PSMD1: variants seen among roughly 807,000 people sequenced by gnomAD.
PSMD1 encodes the protein proteasome 26S subunit, non-ATPase 1.
PSMD1 carries 18 observed loss-of-function variants against 119.0 expected under a neutral mutation model. That is an observed-to-expected ratio of 0.15 (90% confidence interval 0.10 to 0.22). The LOEUF (loss-of-function observed/expected upper bound fraction) is 0.22, where lower values mean the gene tolerates loss of function less well. Ranked by LOEUF, PSMD1 falls within the 10% of genes least tolerant of loss-of-function variation. The pLI is 1.00. For synonymous variants in PSMD1, 374 were observed against 396.6 expected (o/e 0.94, Z 0.68); for missense variants, 702 against 1,158.5 (o/e 0.61, Z 5.72).
intron 7 of PSMD1, among the ~76,000 whole-genome samples, 161 bp from the exon 8 acceptor site, chr2:231,075,350 G>C (rs1471593092): frequency 6.6e-6 from 1 of 152,136 alleles, no homozygotes; most frequent in Non-Finnish European, 1.5e-5. Flanking sequence ...TAACTGGATT[G>C]CCTCCATCTT....
chr2:231,128,391 T>C (rs950839458), intron 16 of PSMD1, among the ~76,000 whole-genome samples: 4 of 152,230 alleles, frequency 2.6e-5, no homozygotes, highest in African/African-American at 9.6e-5. Flanking sequence ...TCAGCTTTCT[T>C]TTTATTCATT....
intron 16 of PSMD1, among the ~76,000 whole-genome samples, chr2:231,121,259 G>A (rs1695530992): frequency 6.6e-6 from 1 of 152,110 alleles, no homozygotes; most frequent in Non-Finnish European, 1.5e-5. Context: ...CAGGCATGGT[G>A]GAATGTGCCT....
In PSMD1 at chr2:231,170,500, TTACTC is replaced by T. The variant is rs370291361; in HGVS notation, c.2716-63_2716-59del. On this transcript the variant is annotated intron_variant, in intron 23 of 24. Coordinates refer to ENST00000308696, the MANE Select transcript of PSMD1 (RefSeq NM_002807.4). The surrounding 1 kb of genome is among the most constrained non-coding windows in gnomAD (Gnocchi z 4.1). Reference sequence around the variant, plus strand: ...TTTTAAAGTACCATTTAACAAGTATTTACTCTAGATTGTGGAGCACGCTTGAAATA... The same window carrying T: ...TTTTAAAGTACCATTTAACAAGTATTTAGATTGTGGAGCACGCTTGAAATA... 92 of 1,431,200 alleles carry T rather than the reference TTACTC, an allele frequency of 6.4e-5. No homozygotes were observed. In the African/African-American group the frequency reaches 1.2e-3, roughly 18 times the overall value. 88.7% of individuals were successfully genotyped at this position (1,431,200 alleles called of 1,614,324 possible). A position where few individuals can be genotyped will look rare whatever the true frequency, so the allele number is the denominator to read the frequency against.
intron 16 of PSMD1, chr2:231,108,961 C>G (rs1041482937): frequency 6.2e-7 from 1 of 1,613,902 alleles, no homozygotes; most frequent in South Asian, 1.1e-5. Context: ...ACCACATAAG[C>G]AAAAAGAGGA....
chr2:231,098,090 C>T (rs553246129), intron 16 of PSMD1, among the ~76,000 whole-genome samples: 116 of 152,330 alleles, frequency 7.6e-4, no homozygotes, highest in Middle Eastern at 3.4e-3. Flanking sequence ...GGGGCTGACC[C>T]GCAGGGTGCC....
chr2:231,062,838 C>A, intron 4 of PSMD1, 163 bp downstream of exon 4: 2 of 531,306 alleles, frequency 3.8e-6, no homozygotes, highest in Non-Finnish European at 3.0e-6. Context: ...TTTAGATCTG[C>A]CCTTCAACTG....
At chr2:231,077,528 A>G (rs1371642817) in intron 9 of PSMD1, among the ~76,000 whole-genome samples, 9 of 152,228 alleles carry the variant, frequency 5.9e-5, no homozygotes, top group South Asian at 2.1e-4. Flanking sequence ...TTTCATTTCA[A>G]TAAATCTGTG....
chr2:231,134,363 CAG>C (rs763919809), intron 16 of PSMD1, among the ~76,000 whole-genome samples: 1 of 152,164 alleles, frequency 6.6e-6, no homozygotes, highest in Non-Finnish European at 1.5e-5. Flanking sequence ...ACCGCTGTAT[CAG>C]ACAATTGGCA....
chr2:231,130,463 C>T (rs1352982743), intron 16 of PSMD1, among the ~76,000 whole-genome samples: 1 of 151,916 alleles, frequency 6.6e-6, no homozygotes, highest in African/African-American at 2.4e-5. Context: ...TTTCTAAATA[C>T]GTTGTTTTGT....
rs1224984487 is a variant in PSMD1 at position 231,131,391 on chromosome 2, C to T, written c.1884-7345C>T. 3.9e-5 allele frequency among the ~76,000 whole-genome samples: 6 copies of T among 152,216 alleles called. No homozygotes were observed. The East Asian group carries it at 1.2e-3, about 29-fold the overall frequency. On this transcript the variant is annotated intron_variant, in intron 16 of 24. Coordinates refer to ENST00000308696, the MANE Select transcript of PSMD1 (RefSeq NM_002807.4). ...CTTTAAAAGTTTATATCATATATCT[C>T]TGTGTGTATATATAAAGATTAATGT...
intron 16 of PSMD1, among the ~76,000 whole-genome samples, chr2:231,119,984 AC>A (rs112026431): frequency 0.026 from 3,136 of 120,434 alleles, 126 homozygotes; most frequent in African/African-American, 0.094. Flanking sequence ...ACAGAGCCTC[AC>A]CCCGTCACCC....
At chr2:231,164,534 A>G (rs1188791440) in intron 21 of PSMD1, among the ~76,000 whole-genome samples, 4 of 152,098 alleles carry the variant, frequency 2.6e-5, no homozygotes, top group Non-Finnish European at 4.4e-5. Context: ...AATTTTGTGT[A>G]TAAGTAAGGA....
intron 19 of PSMD1, among the ~76,000 whole-genome samples, chr2:231,154,676 T>C (rs1352152598): frequency 6.6e-6 from 1 of 152,144 alleles, no homozygotes; most frequent in Non-Finnish European, 1.5e-5. Flanking sequence ...ACTATGTTGC[T>C]CAGGCTTGTC....
At chr2:231,083,272 C>T (rs113619829) in intron 13 of PSMD1, among the ~76,000 whole-genome samples, 2 of 152,100 alleles carry the variant, frequency 1.3e-5, no homozygotes, top group African/African-American at 4.8e-5. Flanking sequence ...TACTGCTTGG[C>T]GATAATATAG....
intron 23 of PSMD1, 72 bp downstream of exon 23, chr2:231,166,089 G>A (rs1043829206): frequency 7.4e-7 from 1 of 1,354,118 alleles, no homozygotes; most frequent in Non-Finnish European, 9.9e-7. Context: ...AATATTGATA[G>A]AGAATGATAA....
chr2:231,092,411 G>A (rs1574722379), intron 16 of PSMD1, among the ~76,000 whole-genome samples: 1 of 152,266 alleles, frequency 6.6e-6, no homozygotes, highest in East Asian at 1.9e-4. Context: ...TGCAAATCAG[G>A]CACTGATCTG....
At chr2:231,083,263 A>G (rs1694357320) in intron 13 of PSMD1, among the ~76,000 whole-genome samples, 1 of 152,218 alleles carries the variant, frequency 6.6e-6, no homozygotes, top group South Asian at 2.1e-4. Flanking sequence ...CTTACTCCAT[A>G]CTGCTTGGCG....
chr2:231,072,750 G>A (rs1694070994), intron 7 of PSMD1, among the ~76,000 whole-genome samples: 1 of 151,994 alleles, frequency 6.6e-6, no homozygotes, highest in South Asian at 2.1e-4. Flanking sequence ...AGATATATCT[G>A]GGTTAGATAT....
chr2:231,172,299 T>G (rs1696931676), intron 24 of PSMD1, among the ~76,000 whole-genome samples: 1 of 152,128 alleles, frequency 6.6e-6, no homozygotes, highest in South Asian at 2.1e-4. Context: ...CAAAATGACT[T>G]AGAGGTTTAT....
Sources: gnomAD v4.1 joint callset for allele counts (sites outside exome capture counted in the v4.1 genomes callset) on GRCh38, gnomAD v4.1.1 for gene constraint, Gnocchi (gnomAD v3.1) non-coding constraint, MANE v1.5 for transcripts, NCBI Gene and HGNC (gene_info 2026-07-23, HGNC 2026-07-21) for gene names.